Variants in CUEDC1 observed in about 807,000 individuals in gnomAD.
The protein encoded by CUEDC1 is CUE domain containing 1.
A neutral mutation model predicts 43.7 loss-of-function variants in CUEDC1; 30 were observed. That is an observed-to-expected ratio of 0.69 (90% CI 0.51 to 0.93). CUEDC1 has a LOEUF of 0.93. Among genes scored for constraint, CUEDC1 ranks in the 40% least tolerant of loss-of-function variants. The pLI, the probability that CUEDC1 is intolerant of heterozygous loss-of-function variation, is 0.00. For synonymous variants in CUEDC1, 223 were observed against 223.6 expected, an observed-to-expected ratio of 1.00 and a Z score of 0.02; for missense variants, 486 against 549.0, an observed-to-expected ratio of 0.89 and a Z score of 1.15.
Position 57,873,591 on chromosome 17 carries a change from C to T in CUEDC1, c.591G>A (p.Gln197=), listed in dbSNP as rs1296751664. The change falls in exon 4 of 11, where the codon CAG becomes CAA. Residue 197 remains glutamine, a splice_region_variant and synonymous_variant. Coordinates refer to ENST00000577830, the MANE Select transcript of CUEDC1 (RefSeq NM_001271875.2). The part of the protein sequence containing the change: ...RILPQQLDSI[Q]GNAGGPKPGS... ...GGAAGGCGGGGGCGGCCCCTGTTAC[C>T]TGTATGCTGTCCAGCTGCTGGGGCA... 1 of 1,580,304 alleles carries T rather than the reference C, an allele frequency of 6.3e-7. No individual in the cohort carries two copies. Among genetic ancestry groups the T allele is most frequent in the Non-Finnish European group, 8.6e-7 (1 of 1,162,596 alleles).
chr17:57,943,938 C>A (rs542250401), intron 1 of CUEDC1, among the ~76,000 whole-genome samples: 1 of 152,152 alleles, frequency 6.6e-6, no homozygotes, highest in African/African-American at 2.4e-5. Context: ...AGAATCCTAA[C>A]GCTACAATAT....
chr17:57,924,719 G>A (rs1202158395), intron 1 of CUEDC1, among the ~76,000 whole-genome samples: 1 of 152,104 alleles, frequency 6.6e-6, no homozygotes, highest in African/African-American at 2.4e-5. Context: ...TGGAGCCAAG[G>A]GCTGAAGAGG....
rs1450021400 is a variant in CUEDC1, at chr17:57,954,534, C to A, written c.-316+691G>T. ...GGGAGGAATGAATAAACGCTGACAC[C>A]AGCCCCCCTTGGAGCTCAGAGCCTG... On this transcript the variant is annotated intron_variant, in intron 1 of 10. Transcript: ENST00000577830. This position sits in a 1 kb window ranked among gnomAD's most constrained non-coding sequence, Gnocchi z 4.3. Among the ~76,000 whole-genome samples the A allele has an allele frequency of 6.6e-6, 1 of 152,158 alleles. No homozygotes were observed. Among genetic ancestry groups the A allele is most frequent in the Non-Finnish European group, 1.5e-5 (1 of 68,030 alleles).
chr17:57,904,809 A>G (rs1385857704), intron 1 of CUEDC1, among the ~76,000 whole-genome samples: 1 of 152,126 alleles, frequency 6.6e-6, no homozygotes, highest in East Asian at 1.9e-4. Flanking sequence ...TCGGCTCTGC[A>G]GGGGTGGCTG....
intron 1 of CUEDC1, among the ~76,000 whole-genome samples, 199 bp from the exon 2 acceptor site, chr17:57,886,078 A>G (rs1376828356): frequency 6.6e-6 from 1 of 152,206 alleles, no homozygotes; most frequent in Non-Finnish European, 1.5e-5. Flanking sequence ...GACAGCCACC[A>G]GTTAGCAAGG....
At chr17:57,871,815 T>C (rs368999954) in intron 5 of CUEDC1, among the ~76,000 whole-genome samples, 1 of 152,166 alleles carries the variant, frequency 6.6e-6, no homozygotes, top group Admixed American at 6.5e-5. Context: ...TCCCAGCTAC[T>C]TGAAAAACTG....
intron 1 of CUEDC1, among the ~76,000 whole-genome samples, chr17:57,899,743 G>A (rs771499525): frequency 3.9e-5 from 6 of 151,954 alleles, no homozygotes; most frequent in Non-Finnish European, 5.9e-5. Flanking sequence ...TTTTTGAACC[G>A]TCCCACACAG....
intron 1 of CUEDC1, among the ~76,000 whole-genome samples, chr17:57,914,756 G>A (rs759462738): frequency 3.9e-5 from 6 of 152,122 alleles, no homozygotes; most frequent in Non-Finnish European, 8.8e-5. Context: ...TGCCCCACCT[G>A]GCCTCTCTGG....
intron 2 of CUEDC1, among the ~76,000 whole-genome samples, chr17:57,883,196 G>A (rs919077744): frequency 3.3e-5 from 5 of 152,100 alleles, no homozygotes; most frequent in East Asian, 1.9e-4. Context: ...GCAGCAACAC[G>A]TACTCATTCA....
intron 1 of CUEDC1, among the ~76,000 whole-genome samples, chr17:57,949,300 C>T (rs1232093685): frequency 1.3e-5 from 2 of 152,206 alleles, no homozygotes; most frequent in African/African-American, 4.8e-5. Context: ...ATGTTTGTCT[C>T]CCTTACTAGA....
chr17:57,931,117 G>T (rs9900553), intron 1 of CUEDC1, among the ~76,000 whole-genome samples: 17,303 of 151,786 alleles, frequency 0.11, 1,774 homozygotes, highest in African/African-American at 0.26. Context: ...GGCAAAACAG[G>T]GTCTCTACAA....
chr17:57,878,518 G>T (rs2074159249), intron 3 of CUEDC1, among the ~76,000 whole-genome samples: 1 of 152,010 alleles, frequency 6.6e-6, no homozygotes, highest in South Asian at 2.1e-4. Context: ...CCAGGCCTGA[G>T]CCATTCTAAG....
chr17:57,891,785 T>C (rs1160665953), intron 1 of CUEDC1, among the ~76,000 whole-genome samples: 2 of 152,202 alleles, frequency 1.3e-5, no homozygotes, highest in Non-Finnish European at 2.9e-5. Flanking sequence ...TTCTGGTCCC[T>C]ACTCAACCAT....
At position 57,873,233 on chromosome 17, in the gene CUEDC1, G is replaced by A. The variant is rs538032862; in HGVS notation, c.591+358C>T. Among the ~76,000 whole-genome samples the A allele has an allele frequency of 2.0e-4, 30 of 152,264 alleles. No individual in the cohort carries two copies. The South Asian group carries it at 5.8e-3, about 29-fold the overall frequency. The stretch of plus-strand genomic sequence containing the variant: ...ACCTGCCCCGCTGTGGGGCACCTTG[G>A]GGCATGCCAACATCTAGCAAGAAGC... On this transcript the variant is annotated intron_variant, in intron 4 of 10. Transcript: ENST00000577830.
rs748155195 is a variant in CUEDC1, at chr17:57,872,770, C to T, written c.677G>A (p.Arg226His). The change falls in exon 5 of 11, where the codon CGC (arginine) becomes CAC (histidine). Residue 226 changes from arginine to histidine, a missense_variant. Arg to His is a conservative substitution (Grantham distance 29, BLOSUM62 0). Transcript: ENST00000577830. Reference protein sequence around the residue: ...AGPGPGDQESRWKQYLEDERI... With the variant: ...AGPGPGDQESHWKQYLEDERI... ...CTCGTCCTCCAGGTACTGCTTCCAG[C>T]GGCTCTCCTGGTCTCCGGGCCCTGG... is the stretch of plus-strand genomic sequence containing the variant. 6 of 1,614,210 alleles carry T rather than the reference C, an allele frequency of 3.7e-6. No homozygotes were observed. Among genetic ancestry groups the T allele is most frequent in the South Asian group, 3.3e-5 (3 of 91,090 alleles).
Position 57,955,124 on chromosome 17 carries a change from TGGGGCCGCTGGGCC to T in CUEDC1, c.-316+87_-316+100del, listed in dbSNP as rs1475490946. 1.4e-5 allele frequency: 2 copies of T among 146,196 alleles called. No homozygotes were observed. The highest frequency in any genetic ancestry group is 2.5e-5 in the African/African-American group (1 of 39,946). 9.1% of individuals were successfully genotyped at this position (146,196 alleles called of 1,614,324 possible). The stretch of plus-strand genomic sequence containing the variant: ...GCCTGGGCAACGGGTCCCGAGAAGG[TGGGGCCGCTGGGCC>T]GGGGCCGCGGCCGGGATTGCGCGCG... On this transcript the variant is annotated intron_variant, in intron 1 of 10. Coordinates refer to ENST00000577830, the MANE Select transcript of CUEDC1 (RefSeq NM_001271875.2). The surrounding 1 kb of genome is among the most constrained non-coding windows in gnomAD (Gnocchi z 5.3).
intron 1 of CUEDC1, among the ~76,000 whole-genome samples, chr17:57,905,587 G>A (rs1293491229): frequency 1.3e-5 from 2 of 152,204 alleles, no homozygotes; most frequent in South Asian, 2.1e-4. Context: ...GTGCAAAGCC[G>A]TAAATGCAGA....
intron 7 of CUEDC1, among the ~76,000 whole-genome samples, chr17:57,868,829 C>A (rs566926905): frequency 3.9e-4 from 60 of 152,330 alleles, no homozygotes; most frequent in African/African-American, 1.2e-3. Context: ...CCGGCCAAGC[C>A]TCCTCGAGCC....
At chr17:57,898,703 G>A (rs972306711) in intron 1 of CUEDC1, among the ~76,000 whole-genome samples, 6 of 151,744 alleles carry the variant, frequency 4.0e-5, no homozygotes, top group African/African-American at 1.2e-4. Context: ...TGGCCCAGGC[G>A]TCTGGCCTGG....
Sources: allele counts gnomAD v4.1 joint callset (sites outside exome capture counted in the v4.1 genomes callset), GRCh38; gene constraint gnomAD v4.1.1; non-coding constraint Gnocchi (gnomAD v3.1); transcripts MANE v1.5; gene names NCBI Gene and HGNC (gene_info 2026-07-23, HGNC 2026-07-21).